OTUD7A: variants seen among roughly 807,000 people sequenced by gnomAD.
OTUD7A encodes OTU domain-containing protein 7A.
In OTUD7A, 12 loss-of-function variants were observed where a neutral mutation model predicts 65.7. The observed-to-expected ratio is 0.18, with a 90% CI of 0.12 to 0.30. The LOEUF is 0.30. OTUD7A is among the 10% of genes least tolerant of loss of function. OTUD7A has a pLI of 1.00. For missense variants in OTUD7A, 1,148 were observed against 1,304.8 expected, an observed-to-expected ratio of 0.88 and a Z score of 1.85; for synonymous variants, 641 against 586.3, an observed-to-expected ratio of 1.09 and a Z score of -1.35.
intron 3 of OTUD7A, among the ~76,000 whole-genome samples, chr15:31,579,109 T>A (rs1215646644): frequency 6.6e-6 from 1 of 152,094 alleles, no homozygotes; most frequent in African/African-American, 2.4e-5. Context: ...TTTGGGAAAA[T>A]GTTTGCAACT....
At chr15:31,583,558 T>C (rs1383950534) in intron 3 of OTUD7A, among the ~76,000 whole-genome samples, 1 of 151,994 alleles carries the variant, frequency 6.6e-6, no homozygotes, top group Non-Finnish European at 1.5e-5. Flanking sequence ...TGGTAGTGAA[T>C]AAGTCTCATG....
In OTUD7A at chr15:31,839,753, G is replaced by T. The variant is rs573589011; in HGVS notation, c.-100+30754C>A. Among the ~76,000 whole-genome samples the T allele has an allele frequency of 2.0e-5, 3 of 152,296 alleles. No individual in the cohort carries two copies. The East Asian group carries it at 5.8e-4, about 29-fold the overall frequency. The stretch of plus-strand genomic sequence containing the variant: ...AAGGGTGTCACTGCACCATGGTCAG[G>T]TATAAATAAGGGCATCGGTCACCAT... On this transcript the variant is annotated intron_variant, in intron 1 of 12. Transcript: ENST00000307050.
At position 31,756,599 on chromosome 15, in the gene OTUD7A, C is replaced by T. The variant is rs117343381; in HGVS notation, c.-99-99522G>A. 2.1e-4 allele frequency among the ~76,000 whole-genome samples: 32 copies of T among 149,932 alleles called. No individual in the cohort carries two copies. The East Asian group carries it at 6.0e-3, about 28-fold the overall frequency. On this transcript the variant is annotated intron_variant, in intron 1 of 12. Transcript: ENST00000307050. ...CCATTCACTGGGTCCTTTCTGAGGA[C>T]AGGAATGCATAAAAACCCAGTGTAC...
intron 1 of OTUD7A, among the ~76,000 whole-genome samples, chr15:31,850,664 C>CA (rs1157677549): frequency 1.3e-5 from 2 of 152,134 alleles, no homozygotes; most frequent in African/African-American, 4.8e-5. Context: ...CTGATGCATA[C>CA]AAAGCACTTT....
At chr15:31,500,236 C>A (rs1265599192) in intron 10 of OTUD7A, among the ~76,000 whole-genome samples, 1 of 152,216 alleles carries the variant, frequency 6.6e-6, no homozygotes, top group African/African-American at 2.4e-5. Context: ...ATTCCGCATT[C>A]CGGATTGAAA....
intron 3 of OTUD7A, among the ~76,000 whole-genome samples, chr15:31,608,429 A>AGCAGACTT (rs1347612806): frequency 1.3e-5 from 2 of 152,230 alleles, no homozygotes; most frequent in Admixed American, 1.3e-4. Context: ...TATTGTTTGA[A>AGCAGACTT]GCAGACTTAC....
intron 3 of OTUD7A, among the ~76,000 whole-genome samples, chr15:31,646,014 C>A (rs1891650307): frequency 6.6e-6 from 1 of 152,170 alleles, no homozygotes; most frequent in Non-Finnish European, 1.5e-5. Flanking sequence ...CTCTTTCCTG[C>A]CTAATCAAAG....
intron 3 of OTUD7A, among the ~76,000 whole-genome samples, chr15:31,628,958 G>C (rs1231052657): frequency 1.3e-5 from 2 of 152,198 alleles, no homozygotes; most frequent in Non-Finnish European, 2.9e-5. Context: ...CTGAGACTTT[G>C]TTGAAGTTGC....
At chr15:31,555,287 T>C (rs1343786984) in intron 5 of OTUD7A, among the ~76,000 whole-genome samples, 1 of 152,176 alleles carries the variant, frequency 6.6e-6, no homozygotes, top group East Asian at 1.9e-4. Flanking sequence ...TAATGTTTCC[T>C]GCCAAGCACA....
At chr15:31,741,352 T>G (rs1254431013) in intron 1 of OTUD7A, among the ~76,000 whole-genome samples, 1 of 152,222 alleles carries the variant, frequency 6.6e-6, no homozygotes, top group African/African-American at 2.4e-5. Context: ...TATTACACTT[T>G]AAGTTCTAGC....
chr15:31,851,387 C>T (rs1043184824), intron 1 of OTUD7A, among the ~76,000 whole-genome samples: 1 of 152,154 alleles, frequency 6.6e-6, no homozygotes, highest in South Asian at 2.1e-4. Context: ...TAGCAGGCAA[C>T]CTATGAAGAG....
At chr15:31,519,429 T>C (rs1326323781) in intron 8 of OTUD7A, among the ~76,000 whole-genome samples, 2 of 152,246 alleles carry the variant, frequency 1.3e-5, no homozygotes, top group Admixed American at 6.5e-5. Flanking sequence ...CAAGGATTTC[T>C]GCATTCAATA....
chr15:31,550,138 G>A (rs1389900354), intron 5 of OTUD7A, among the ~76,000 whole-genome samples: 6 of 150,548 alleles, frequency 4.0e-5, no homozygotes, highest in Admixed American at 1.3e-4. Context: ...TGGGAATGCA[G>A]TATCCTGAGA....
intron 1 of OTUD7A, among the ~76,000 whole-genome samples, chr15:31,761,706 AT>A (rs1173365026): frequency 6.6e-6 from 1 of 152,110 alleles, no homozygotes. Context: ...ATATCTGTAT[AT>A]GAATTGTCAT....
chr15:31,618,587 G>C (rs1226557051), intron 3 of OTUD7A, among the ~76,000 whole-genome samples: 1 of 152,140 alleles, frequency 6.6e-6, no homozygotes, highest in Non-Finnish European at 1.5e-5. Flanking sequence ...CTTTTGAGAA[G>C]CGTCTGTTCA....
intron 1 of OTUD7A, among the ~76,000 whole-genome samples, chr15:31,797,768 G>A (rs565301027): frequency 2.6e-5 from 4 of 152,238 alleles, no homozygotes; most frequent in Non-Finnish European, 2.9e-5. Flanking sequence ...GCCCCAACGA[G>A]TGGTCCCTGT....
At chr15:31,703,424 GA>G (rs1893258760) in intron 1 of OTUD7A, among the ~76,000 whole-genome samples, 2 of 151,758 alleles carry the variant, frequency 1.3e-5, no homozygotes, top group South Asian at 4.2e-4. Flanking sequence ...AAACCACAAA[GA>G]GACATTTCAC....
intron 3 of OTUD7A, among the ~76,000 whole-genome samples, chr15:31,581,619 G>A (rs1044722311): frequency 1.2e-4 from 18 of 152,260 alleles, no homozygotes; most frequent in African/African-American, 4.3e-4. Context: ...GCCAAGGCTT[G>A]GGACTTGCAC....
chr15:31,821,752 C>T (rs75993611), intron 1 of OTUD7A, among the ~76,000 whole-genome samples: 1,975 of 152,288 alleles, frequency 0.013, 20 homozygotes, highest in Non-Finnish European at 0.022. Flanking sequence ...TTTGATAGTT[C>T]CAATTTCTCT....
Sources: gnomAD v4.1 joint callset for allele counts (sites outside exome capture counted in the v4.1 genomes callset) on GRCh38, gnomAD v4.1.1 for gene constraint, MANE v1.5 for transcripts, NCBI Gene and HGNC (gene_info 2026-07-23, HGNC 2026-07-21) for gene names.